The following SYT1 variants were observed in gnomAD, a reference collection of about 807,000 sequenced individuals.
SYT1 encodes the protein synaptotagmin 1.
SYT1 carries 8 observed loss-of-function variants against 44.8 expected under a neutral mutation model. The observed-to-expected ratio is 0.18, with a 90% CI of 0.10 to 0.32. The LOEUF (loss-of-function observed/expected upper bound fraction) is 0.32, where lower values mean the gene tolerates loss of function less well. SYT1 is among the 10% of genes least tolerant of loss of function. The pLI is 1.00. For synonymous variants in SYT1, 154 were observed against 188.8 expected (o/e 0.82, Z 1.51); for missense variants, 286 against 509.3 (o/e 0.56, Z 4.22).
chr12:79,051,096 T>C (rs1158118309), intron 3 of SYT1, among the ~76,000 whole-genome samples: 2 of 151,856 alleles, frequency 1.3e-5, no homozygotes, highest in Non-Finnish European at 2.9e-5. Context: ...CTATCTGCCA[T>C]ATTAACTGAA....
rs367965196 is a variant in SYT1, at chr12:79,199,787, TG to T, written c.-17-17715del. Among the ~76,000 whole-genome samples the T allele has an allele frequency of 7.2e-3, 1,093 of 152,246 alleles. 5 individuals are homozygous for T. The highest frequency in any genetic ancestry group is 0.037 in the Middle Eastern group (11 of 294). On this transcript the variant is annotated intron_variant, in intron 3 of 10. Transcript: ENST00000261205. ...TACTGTGGTAGGGATTGAGACATTG[TG>T]CTGAGTATTGCAAATACAAATGTTA...
intron 3 of SYT1, among the ~76,000 whole-genome samples, chr12:79,095,223 A>G (rs1212595497): frequency 2.0e-5 from 3 of 151,994 alleles, no homozygotes; most frequent in Admixed American, 6.6e-5. Context: ...ATAAATTCTT[A>G]TAAACTAATT....
In SYT1 at chr12:78,885,258, G is replaced by A. The variant is rs1565701692; in HGVS notation, c.-217+20149G>A. 2.0e-5 allele frequency among the ~76,000 whole-genome samples: 3 copies of A among 148,326 alleles called. No individual in the cohort carries two copies. In the East Asian group the frequency reaches 6.3e-4, roughly 31 times the overall value. ...AGGAAGGGAAGAGTGAGAAGAAAGG[G>A]GGAAGGAGGGAAGGGAAGGAAGGAG... On this transcript the variant is annotated intron_variant, in intron 1 of 10. Coordinates refer to ENST00000261205, the MANE Select transcript of SYT1 (RefSeq NM_005639.3).
At chr12:79,440,894 G>C (rs1242248739) in intron 9 of SYT1, among the ~76,000 whole-genome samples, 2 of 152,168 alleles carry the variant, frequency 1.3e-5, no homozygotes, top group African/African-American at 4.8e-5. Flanking sequence ...CTCAGAAAAA[G>C]TTACGAACAA....
chr12:79,172,969 C>CAAAAAAAAAAAAAAAAAAAA (rs200575966), intron 3 of SYT1, among the ~76,000 whole-genome samples: 1 of 15,720 alleles, frequency 6.4e-5, no homozygotes, highest in African/African-American at 3.1e-4. Flanking sequence ...TTCCTGCTCT[C>CAAAAAAAAAAAAAAAAAAAA]AAAAAAAAAA....
chr12:79,083,389 G>A (rs1439668615), intron 3 of SYT1, among the ~76,000 whole-genome samples: 1 of 152,108 alleles, frequency 6.6e-6, no homozygotes, highest in Non-Finnish European at 1.5e-5. Context: ...AGCAGTTTTA[G>A]TAGATGAATC....
chr12:79,443,274 A>C (rs1012996361), intron 9 of SYT1, among the ~76,000 whole-genome samples: 1 of 152,126 alleles, frequency 6.6e-6, no homozygotes, highest in Admixed American at 6.6e-5. Context: ...TTCAACCTTC[A>C]CATCTCAGCT....
In SYT1 at chr12:79,362,622, C is replaced by T. The variant is rs566317151; in HGVS notation, c.928+9003C>T. Among the ~76,000 whole-genome samples, 27 of 152,098 alleles carry T rather than the reference C, an allele frequency of 1.8e-4. No homozygotes were observed. The South Asian group carries it at 4.8e-3, about 27-fold the overall frequency. On this transcript the variant is annotated intron_variant, in intron 9 of 10. Transcript: ENST00000261205. ...CAGCTACAATAAAGGGATGAAGGGG[C>T]CGTGTGTGAGGACAGGCTAGGAACA...
intron 4 of SYT1, among the ~76,000 whole-genome samples, chr12:79,257,885 G>A (rs893935914): frequency 2.0e-5 from 3 of 152,096 alleles, no homozygotes; most frequent in African/African-American, 7.2e-5. Context: ...TGGCCTTGGC[G>A]GTGAAAATTC....
chr12:79,384,651 C>T (rs970555797), intron 9 of SYT1, among the ~76,000 whole-genome samples: 2 of 152,162 alleles, frequency 1.3e-5, no homozygotes, highest in African/African-American at 4.8e-5. Flanking sequence ...TTTTGACACT[C>T]TCACCTGGGA....
intron 3 of SYT1, among the ~76,000 whole-genome samples, chr12:79,051,321 T>C (rs1274009261): frequency 6.7e-6 from 1 of 149,996 alleles, no homozygotes; most frequent in Admixed American, 6.7e-5. Context: ...AATAAATATA[T>C]ATATACATAT....
At chr12:79,124,873 G>A (rs1868353932) in intron 3 of SYT1, among the ~76,000 whole-genome samples, 1 of 151,902 alleles carries the variant, frequency 6.6e-6, no homozygotes, top group Non-Finnish European at 1.5e-5. Context: ...ACTAATTTGA[G>A]TATAACTGAA....
intron 3 of SYT1, among the ~76,000 whole-genome samples, chr12:79,064,926 GAGAAAGAAAGAA>G (rs200335076): frequency 0.076 from 8,491 of 111,444 alleles, 346 homozygotes; most frequent in African/African-American, 0.092. Context: ...AAAAAATAGA[GAGAAAGAAAGAA>G]AGAAAGAAAG....
intron 2 of SYT1, among the ~76,000 whole-genome samples, chr12:79,035,305 A>G (rs546103084): frequency 4.0e-5 from 6 of 151,804 alleles, no homozygotes; most frequent in African/African-American, 9.6e-5. Context: ...TCACTTCCCC[A>G]AAAGTTGGGA....
rs1219444586 is a variant in SYT1 at position 79,450,717 on chromosome 12, C to T, written c.*1593C>T. ...AGGTGTGTGTAGCACAAACAGTTCT[C>T]ATTACAAAGGACCAATTCAGAACTG... On this transcript the variant is annotated 3_prime_UTR_variant, in exon 11 of 11. Transcript: ENST00000261205. The T allele has an allele frequency of 6.6e-6, 1 of 152,646 alleles. No individual in the cohort carries two copies. Among genetic ancestry groups the T allele is most frequent in the Admixed American group, 6.5e-5 (1 of 15,282 alleles). The allele number at this position is 152,646 out of a possible 1,614,324, so 9.5% of individuals were successfully genotyped here. A position where few individuals can be genotyped will look rare whatever the true frequency, so the allele number is the denominator to read the frequency against.
chr12:79,164,549 A>G (rs1328181832), intron 3 of SYT1, among the ~76,000 whole-genome samples: 1 of 152,094 alleles, frequency 6.6e-6, no homozygotes, highest in African/African-American at 2.4e-5. Context: ...ATGCCCAGAA[A>G]AAAACAATAT....
intron 9 of SYT1, among the ~76,000 whole-genome samples, chr12:79,382,475 G>C (rs1383577411): frequency 6.6e-6 from 1 of 151,894 alleles, no homozygotes; most frequent in Admixed American, 6.6e-5. Context: ...CCAGGAAAAA[G>C]GGGCAATGAT....
At chr12:79,405,782 C>A (rs575855392) in intron 9 of SYT1, among the ~76,000 whole-genome samples, 34 of 152,186 alleles carry the variant, frequency 2.2e-4, no homozygotes, top group African/African-American at 7.5e-4. Context: ...CTTTTCAGCT[C>A]CTCTATCCTT....
At chr12:78,950,987 T>G (rs1878935505) in intron 1 of SYT1, among the ~76,000 whole-genome samples, 1 of 152,054 alleles carries the variant, frequency 6.6e-6, no homozygotes, top group Non-Finnish European at 1.5e-5. Flanking sequence ...CCCATGGACA[T>G]CAAAAATAAA....
Sources: allele counts gnomAD v4.1 joint callset (sites outside exome capture counted in the v4.1 genomes callset), GRCh38; gene constraint gnomAD v4.1.1; transcripts MANE v1.5; gene names NCBI Gene and HGNC (gene_info 2026-07-23, HGNC 2026-07-21).